METTL24: variants seen among roughly 807,000 people sequenced by gnomAD.
METTL24 encodes methyltransferase like 24.
A neutral mutation model predicts 32.7 loss-of-function variants in METTL24; 29 were observed. That is an observed-to-expected ratio of 0.89 (90% confidence interval 0.66 to 1.21). The LOEUF (loss-of-function observed/expected upper bound fraction) is 1.21, where lower values mean the gene tolerates loss of function less well. Ranked by LOEUF, METTL24 falls within the 50% of genes most tolerant of loss-of-function variation. METTL24 has a pLI of 0.00. For missense variants in METTL24, 439 were observed against 468.1 expected (o/e 0.94, Z 0.57); for synonymous variants, 163 against 179.5 (o/e 0.91, Z 0.73).
At chr6:110,276,595 T>C (rs549466663) in intron 4 of METTL24, among the ~76,000 whole-genome samples, 1 of 152,340 alleles carries the variant, frequency 6.6e-6, no homozygotes, top group East Asian at 1.9e-4. Context: ...GATATTTTCA[T>C]TGGAAGGCCT....
intron 1 of METTL24, among the ~76,000 whole-genome samples, chr6:110,353,331 G>A (rs185971981): frequency 6.6e-6 from 1 of 152,252 alleles, no homozygotes. Flanking sequence ...AACTACTGCT[G>A]GGCCATGTTT....
At chr6:110,248,238 T>C (rs956703157) in intron 4 of METTL24, among the ~76,000 whole-genome samples, 2 of 152,216 alleles carry the variant, frequency 1.3e-5, no homozygotes, top group Non-Finnish European at 2.9e-5. Flanking sequence ...CTTTATAAAT[T>C]ACTCAGCCTT....
chr6:110,253,139 G>A (rs568355667), intron 4 of METTL24, among the ~76,000 whole-genome samples: 49 of 152,282 alleles, frequency 3.2e-4, no homozygotes, highest in African/African-American at 1.0e-3. Context: ...CTCAGGAAAG[G>A]TGTCTGACTG....
At chr6:110,269,032 C>T (rs1453129005) in intron 4 of METTL24, among the ~76,000 whole-genome samples, 1 of 152,110 alleles carries the variant, frequency 6.6e-6, no homozygotes, top group Non-Finnish European at 1.5e-5. Context: ...TTATTTGAGA[C>T]CCAATATACC....
At chr6:110,303,091 C>A (rs1358541618) in intron 3 of METTL24, among the ~76,000 whole-genome samples, 1 of 152,074 alleles carries the variant, frequency 6.6e-6, no homozygotes, top group Admixed American at 6.5e-5. Context: ...TCAAGGGAAG[C>A]CATGAGGGAC....
intron 1 of METTL24, among the ~76,000 whole-genome samples, chr6:110,324,126 A>T (rs1184820563): frequency 6.6e-6 from 1 of 152,228 alleles, no homozygotes; most frequent in African/African-American, 2.4e-5. Context: ...ATGTGAAGCC[A>T]GACGGTCTGG....
chr6:110,301,666 C>A (rs1771518967), intron 3 of METTL24, among the ~76,000 whole-genome samples: 1 of 152,162 alleles, frequency 6.6e-6, no homozygotes, highest in Non-Finnish European at 1.5e-5. Context: ...CCCAGCTGAC[C>A]TGCAGACATA....
intron 4 of METTL24, chr6:110,254,182 C>T: frequency 2.8e-6 from 1 of 356,456 alleles, no homozygotes; most frequent in Non-Finnish European, 5.0e-6. Context: ...GATGATGTTA[C>T]AAACTGATGT....
chr6:110,337,991 A>G (rs999852969), intron 1 of METTL24, among the ~76,000 whole-genome samples: 1 of 152,224 alleles, frequency 6.6e-6, no homozygotes, highest in Non-Finnish European at 1.5e-5. Context: ...TGCTGCTTTT[A>G]CAGTCCCCCA....
At chr6:110,265,169 GA>G in intron 4 of METTL24, among the ~76,000 whole-genome samples, 1 of 148,864 alleles carries the variant, frequency 6.7e-6, no homozygotes, top group Admixed American at 6.7e-5. Context: ...AAGAAAGAAA[GA>G]AAGAAAGAAA....
intron 1 of METTL24, among the ~76,000 whole-genome samples, chr6:110,354,973 A>G (rs990739011): frequency 2.6e-5 from 4 of 152,236 alleles, no homozygotes; most frequent in Non-Finnish European, 4.4e-5. Flanking sequence ...AACCAAAGAC[A>G]TTTACAGTTA....
At chr6:110,281,575 G>A (rs1360910711) in intron 4 of METTL24, among the ~76,000 whole-genome samples, 2 of 151,870 alleles carry the variant, frequency 1.3e-5, no homozygotes, top group Non-Finnish European at 2.9e-5. Context: ...GTTGAACCCA[G>A]GAGGCAGAGG....
intron 3 of METTL24, among the ~76,000 whole-genome samples, chr6:110,314,162 G>T (rs1176416866): frequency 6.6e-6 from 1 of 152,120 alleles, no homozygotes; most frequent in Non-Finnish European, 1.5e-5. Flanking sequence ...GACTCTAGAG[G>T]TGATGAAACC....
intron 1 of METTL24, among the ~76,000 whole-genome samples, chr6:110,350,480 C>G (rs1562246407): frequency 6.6e-6 from 1 of 151,762 alleles, no homozygotes; most frequent in Non-Finnish European, 1.5e-5. Context: ...TATTCAGATG[C>G]CCTGAAGAAA....
chr6:110,320,501 C>T (rs1324940062), intron 2 of METTL24, among the ~76,000 whole-genome samples: 1 of 152,168 alleles, frequency 6.6e-6, no homozygotes, highest in African/African-American at 2.4e-5. Context: ...CCCGGAAGTA[C>T]ATCAAAGCAC....
chr6:110,293,954 T>C (rs2114727365), intron 4 of METTL24, among the ~76,000 whole-genome samples: 1 of 152,078 alleles, frequency 6.6e-6, no homozygotes, highest in South Asian at 2.1e-4. Context: ...AATAAGGATA[T>C]TTCCACTGTT....
intron 3 of METTL24, among the ~76,000 whole-genome samples, chr6:110,310,466 G>A (rs549573784): frequency 9.9e-5 from 15 of 151,994 alleles, no homozygotes; most frequent in Middle Eastern, 3.4e-3. Flanking sequence ...CTCCAGACAT[G>A]AGAAGACTTG....
intron 1 of METTL24, among the ~76,000 whole-genome samples, chr6:110,351,780 G>A (rs1183096804): frequency 6.6e-6 from 1 of 152,214 alleles, no homozygotes; most frequent in Admixed American, 6.5e-5. Flanking sequence ...CCAAGCCCTG[G>A]AATCCAGTGA....
At chr6:110,323,245 C>T (rs1397766568) in intron 1 of METTL24, among the ~76,000 whole-genome samples, 2 of 152,352 alleles carry the variant, frequency 1.3e-5, no homozygotes, top group Non-Finnish European at 2.9e-5. Context: ...CCCTTATCGA[C>T]GACAGTCTCC....
Sources: gnomAD v4.1 joint callset for allele counts (sites outside exome capture counted in the v4.1 genomes callset) on GRCh38, gnomAD v4.1.1 for gene constraint, MANE v1.5 for transcripts, NCBI Gene and HGNC (gene_info 2026-07-23, HGNC 2026-07-21) for gene names.